Variants in ANO6 observed in about 807,000 individuals in gnomAD.
ANO6 encodes anoctamin-6.
ANO6 carries 106 observed loss-of-function variants against 117.5 expected under a neutral mutation model. The observed-to-expected ratio is 0.90, with a 90% confidence interval of 0.77 to 1.06. The LOEUF (loss-of-function observed/expected upper bound fraction) is 1.06. Among genes scored for constraint, ANO6 ranks in the 50% least tolerant of loss-of-function variants. The probability of loss-of-function intolerance (pLI) is 0.00; values close to 1 mark genes in which losing one functional copy is unlikely to be tolerated. For synonymous variants in ANO6, 367 were observed against 385.1 expected, an observed-to-expected ratio of 0.95 and a Z score of 0.55; for missense variants, 955 against 1,121.1, an observed-to-expected ratio of 0.85 and a Z score of 2.12.
intron 19 of ANO6, among the ~76,000 whole-genome samples, chr12:45,439,471 T>C (rs1048825598): frequency 6.6e-6 from 1 of 152,148 alleles, no homozygotes; most frequent in Non-Finnish European, 1.5e-5. Flanking sequence ...TATCATGATA[T>C]TGATGCCCTG....
Position 45,302,046 on chromosome 12 carries a change from G to A in ANO6, c.103G>A (p.Asp35Asn), listed in dbSNP as rs754292177. ...AAACCTTGGACAGACAATTGTCCCC[G>A]ATTTGGGATCACTGGAAAGTCAGCA... Reference protein sequence around the residue: ...LENLGQTIVPDLGSLESQHDF... With the variant: ...LENLGQTIVPNLGSLESQHDF... Residue 35 changes from aspartate to asparagine, a missense_variant, in exon 2 of 20, where the codon GAT becomes AAT. Transcript: ENST00000320560. 29 of 1,613,850 alleles carry A rather than the reference G, an allele frequency of 1.8e-5. No homozygotes were observed. The highest frequency in any genetic ancestry group is 2.2e-5 in the South Asian group (2 of 91,086).
At chr12:45,420,060 A>G (rs1357720754) in intron 17 of ANO6, among the ~76,000 whole-genome samples, 2 of 151,800 alleles carry the variant, frequency 1.3e-5, no homozygotes, top group Non-Finnish European at 2.9e-5. Context: ...TAATTCTACT[A>G]CCCAAATTTT....
intron 7 of ANO6, among the ~76,000 whole-genome samples, chr12:45,354,244 T>G (rs985140830): frequency 5.3e-5 from 8 of 151,958 alleles, no homozygotes; most frequent in African/African-American, 1.9e-4. Context: ...GAAAGCAAAA[T>G]GAAAAGAAAA....
intron 1 of ANO6, among the ~76,000 whole-genome samples, chr12:45,266,805 AGTGTGTGTGTGTGTGTGT>A (rs57682251): frequency 1.2e-4 from 18 of 145,658 alleles, no homozygotes; most frequent in South Asian, 2.2e-4. Flanking sequence ...TCAAAAAACA[AGTGTGTGTGTGTGTGTGT>A]GTGTGTGTGT....
chr12:45,346,199 G>T (rs1457493985), intron 3 of ANO6, among the ~76,000 whole-genome samples: 1 of 152,168 alleles, frequency 6.6e-6, no homozygotes, highest in African/African-American at 2.4e-5. Flanking sequence ...AGCAGAGCTT[G>T]TGTTCTTAAC....
chr12:45,405,564 C>G (rs1042427959), intron 15 of ANO6, among the ~76,000 whole-genome samples: 1 of 152,172 alleles, frequency 6.6e-6, no homozygotes, highest in Non-Finnish European at 1.5e-5. Context: ...TGCTGCTTCT[C>G]TTTGTGTAGG....
At position 45,306,037 on chromosome 12, in the gene ANO6, T is replaced by A. The variant is rs567600339; in HGVS notation, c.150+3944T>A. Among the ~76,000 whole-genome samples the A allele has an allele frequency of 3.3e-5, 5 of 152,192 alleles. No homozygotes were observed. In the South Asian group the frequency reaches 1.0e-3, roughly 32 times the overall value. ...GCCTGAGTACACATGAGCTGAGGGA[T>A]GGGGTGTGGGAAAGGATTCTGATCT... On this transcript the variant is annotated intron_variant, in intron 2 of 19. Transcript: ENST00000320560.
At chr12:45,296,206 T>A (rs1939288913) in intron 1 of ANO6, among the ~76,000 whole-genome samples, 1 of 152,210 alleles carries the variant, frequency 6.6e-6, no homozygotes, top group African/African-American at 2.4e-5. Flanking sequence ...AAGAAGAGTT[T>A]CAGGTACAAG....
chr12:45,260,340 C>T (rs1222211839), intron 1 of ANO6, among the ~76,000 whole-genome samples: 2 of 152,206 alleles, frequency 1.3e-5, no homozygotes, highest in Non-Finnish European at 2.9e-5. Flanking sequence ...AGGAAGCAGG[C>T]AGATCTTTTG....
chr12:45,269,827 C>G (rs1413519043), intron 1 of ANO6, among the ~76,000 whole-genome samples: 1 of 152,158 alleles, frequency 6.6e-6, no homozygotes, highest in East Asian at 1.9e-4. Context: ...ATTTAGTTTT[C>G]TTGTTAATTC....
chr12:45,308,641 G>A (rs1913692), intron 2 of ANO6, among the ~76,000 whole-genome samples: 128,172 of 151,992 alleles, frequency 0.84, 55,143 homozygotes, highest in Non-Finnish European at 0.94. Context: ...GGGAGCAAGT[G>A]TAGAATAGGC....
chr12:45,339,785 T>C (rs1448048143), intron 3 of ANO6, among the ~76,000 whole-genome samples: 1 of 152,114 alleles, frequency 6.6e-6, no homozygotes, highest in Non-Finnish European at 1.5e-5. Context: ...TAAGTACCTA[T>C]GATGTATTTC....
At chr12:45,242,271 C>G (rs973990941) in intron 1 of ANO6, among the ~76,000 whole-genome samples, 3 of 152,226 alleles carry the variant, frequency 2.0e-5, no homozygotes, top group African/African-American at 4.8e-5. Flanking sequence ...CCTACTCAAG[C>G]CTCAGCAATG....
At chr12:45,286,372 C>T (rs1375186581) in intron 1 of ANO6, among the ~76,000 whole-genome samples, 1 of 151,974 alleles carries the variant, frequency 6.6e-6, no homozygotes, top group Non-Finnish European at 1.5e-5. Context: ...AATAAAACAT[C>T]CATCCAGAAG....
chr12:45,223,528 AGTT>A (rs1023217348), intron 1 of ANO6, among the ~76,000 whole-genome samples: 3 of 152,148 alleles, frequency 2.0e-5, no homozygotes, highest in Non-Finnish European at 4.4e-5. Context: ...AAACCCAGAA[AGTT>A]GTTAATGATC....
At chr12:45,372,206 C>G (rs1245600462) in intron 9 of ANO6, among the ~76,000 whole-genome samples, 1 of 150,782 alleles carries the variant, frequency 6.6e-6, no homozygotes, top group East Asian at 2.0e-4. Flanking sequence ...AAATATGGGA[C>G]TATGTGAAAA....
intron 2 of ANO6, among the ~76,000 whole-genome samples, chr12:45,324,909 A>C (rs1940408340): frequency 6.6e-6 from 1 of 152,198 alleles, no homozygotes; most frequent in African/African-American, 2.4e-5. Context: ...ACACAGTCAC[A>C]TGTGACACAG....
At chr12:45,222,383 A>T (rs148834266) in intron 1 of ANO6, among the ~76,000 whole-genome samples, 4 of 145,726 alleles carry the variant, frequency 2.7e-5, no homozygotes, top group African/African-American at 1.0e-4. Context: ...CTGGTTTCGA[A>T]CTCCTGATCT....
At chr12:45,308,276 G>C (rs1029081401) in intron 2 of ANO6, among the ~76,000 whole-genome samples, 2 of 151,880 alleles carry the variant, frequency 1.3e-5, no homozygotes, top group Admixed American at 1.3e-4. Flanking sequence ...TCTATAAGTG[G>C]AGGGATTGGC....
Sources: gnomAD v4.1 joint callset for allele counts (sites outside exome capture counted in the v4.1 genomes callset) on GRCh38, gnomAD v4.1.1 for gene constraint, MANE v1.5 for transcripts, NCBI Gene and HGNC (gene_info 2026-07-23, HGNC 2026-07-21) for gene names.